The following LTN1 variants were observed in gnomAD, a reference collection of about 807,000 sequenced individuals.
LTN1 encodes E3 ubiquitin-protein ligase listerin.
A neutral mutation model predicts 201.2 loss-of-function variants in LTN1; 88 were observed. That is an observed-to-expected ratio of 0.44 (90% CI 0.37 to 0.52). The LOEUF (loss-of-function observed/expected upper bound fraction) is 0.52. Ranked by LOEUF, LTN1 falls within the 20% of genes least tolerant of loss-of-function variation. The probability of loss-of-function intolerance (pLI) is 0.00; values close to 1 mark genes in which losing one functional copy is unlikely to be tolerated. For missense variants in LTN1, 1,752 were observed against 2,038.7 expected (o/e 0.86, Z 2.71); for synonymous variants, 645 against 713.5 (o/e 0.90, Z 1.53).
Position 28,945,846 on chromosome 21 carries a change from C to G in LTN1, c.3729G>C (p.Glu1243Asp). Residue 1243 changes from glutamate (E) to aspartate (D), a missense_variant, in exon 21 of 30, where the codon GAG (glutamate) becomes GAC (aspartate). Glu to Asp is a conservative substitution (Grantham distance 45, BLOSUM62 2). This residue lies in a region of LTN1 where 1,211 missense variants were observed against 1,312.8 expected (regional missense o/e 0.92). Transcript: ENST00000361371. ...KYCSSPLAESEWDFIMCSMLA... is the reference protein window; with the variant it reads ...KYCSSPLAESDWDFIMCSMLA... ...ACATGGAGCACATGATGAAGTCCCA[C>G]TCACTCTCTGCCAAAGGGGATGAGC... 1 of 1,613,822 alleles carries G rather than the reference C, an allele frequency of 6.2e-7. No individual in the cohort carries two copies. Among genetic ancestry groups the G allele is most frequent in the African/African-American group, 1.3e-5 (1 of 75,046 alleles).
Position 28,940,433 on chromosome 21 carries a change from A to T in LTN1, c.4482+787T>A, listed in dbSNP as rs190414572. Among the ~76,000 whole-genome samples the T allele has an allele frequency of 2.0e-5, 3 of 152,306 alleles. No homozygotes were observed. In the East Asian group the frequency reaches 5.8e-4, roughly 29 times the overall value. On this transcript the variant is annotated intron_variant, in intron 25 of 29. Coordinates refer to ENST00000361371, the MANE Select transcript of LTN1 (RefSeq NM_015565.3). ...ACAAAATATTTCAGATATTTTCACC[A>T]CTTAGGTAACAGTTTGAATTATTAC...
At chr21:28,933,681 T>C (rs939581693) in intron 27 of LTN1, among the ~76,000 whole-genome samples, 1 of 150,916 alleles carries the variant, frequency 6.6e-6, no homozygotes, top group South Asian at 2.1e-4. Context: ...CTCTCTCTTT[T>C]TTTTTTTTTT....
intron 18 of LTN1, among the ~76,000 whole-genome samples, chr21:28,950,219 T>G (rs145349183): frequency 0.014 from 2,175 of 152,268 alleles, 23 homozygotes; most frequent in Non-Finnish European, 0.021. Context: ...TGATCTTTAT[T>G]CAAGTTTTAT....
intron 16 of LTN1, 108 bp downstream of exon 16, chr21:28,956,654 A>T: frequency 1.7e-6 from 1 of 585,444 alleles, no homozygotes; most frequent in Non-Finnish European, 2.7e-6. Context: ...GGAAAAAGAA[A>T]GCTGAAGATT....
chr21:28,946,045 C>CT (rs1290045973), intron 20 of LTN1, 94 bp from the exon 21 acceptor site: 1 of 1,427,130 alleles, frequency 7.0e-7, no homozygotes, highest in African/African-American at 1.4e-5. Flanking sequence ...TTATTTATAA[C>CT]TGACTTAAAT....
At chr21:28,933,003 G>A (rs930905164) in intron 27 of LTN1, among the ~76,000 whole-genome samples, 3 of 152,076 alleles carry the variant, frequency 2.0e-5, no homozygotes, top group African/African-American at 4.8e-5. Flanking sequence ...CCAGAGTATC[G>A]AATGTCACTT....
At chr21:28,972,832 G>A (rs1317469493) in intron 6 of LTN1, among the ~76,000 whole-genome samples, 1 of 151,988 alleles carries the variant, frequency 6.6e-6, no homozygotes, top group Non-Finnish European at 1.5e-5. Flanking sequence ...ATCCCAAGCA[G>A]GATACATAAA....
In LTN1 at chr21:28,931,159, C is replaced by G; in HGVS notation, c.5234G>C (p.Cys1745Ser). ...RTCKKKFHSA[C>S]LYKWFTSSNK... The stretch of plus-strand genomic sequence containing the variant: ...TTAATTTCTCTTTAGACTTACCAAG[C>G]AGGCTGAATGGAATTTTTTCTTGCA... Residue 1745 changes from cysteine to serine, a missense_variant, in exon 29 of 30, where the codon TGC becomes TCC. This residue lies in a region of LTN1 where 261 missense variants were observed against 350.1 expected (regional missense o/e 0.75). Coordinates refer to ENST00000361371, the MANE Select transcript of LTN1 (RefSeq NM_015565.3). The G allele has an allele frequency of 6.2e-7, 1 of 1,606,496 alleles. No homozygotes were observed. The highest frequency in any genetic ancestry group is 8.5e-7 in the Non-Finnish European group (1 of 1,176,776).
rs1385163570 is a variant in LTN1, at chr21:28,929,620, T to TA, written c.*827dup. On this transcript the variant is annotated 3_prime_UTR_variant, in exon 30 of 30. Transcript: ENST00000361371. ...TCTTTAAGTTTCAGTAATACTCATT[T>TA]ATTTCTTCCCTCTCAATAGAAGGAT... 1 of 152,140 alleles carries TA rather than the reference T, an allele frequency of 6.6e-6. No individual in the cohort carries two copies. 9.4% of individuals were successfully genotyped at this position (152,140 alleles called of 1,614,324 possible).
intron 4 of LTN1, 39 bp from the exon 5 acceptor site, chr21:28,982,407 G>C: frequency 6.7e-7 from 1 of 1,493,696 alleles, no homozygotes; most frequent in Non-Finnish European, 9.3e-7. Flanking sequence ...TGGTTTTACT[G>C]AACTGTCAAT....
At chr21:28,956,075 T>C (rs2084422979) in intron 16 of LTN1, among the ~76,000 whole-genome samples, 1 of 151,982 alleles carries the variant, frequency 6.6e-6, no homozygotes, top group Admixed American at 6.6e-5. Context: ...AAAGTGGATC[T>C]CATGAAGATA....
chr21:28,930,377 A>C lies in LTN1; in HGVS notation c.*71T>G. ...TGCTCACTGGCTTCCCCACATCCACACTTTCAGACGGATCCAAATCCAATG... is the reference window on the plus strand; with the variant it reads ...TGCTCACTGGCTTCCCCACATCCACCCTTTCAGACGGATCCAAATCCAATG... On this transcript the variant is annotated 3_prime_UTR_variant, in exon 30 of 30. Transcript: ENST00000361371. 8.5e-7 allele frequency: 1 copy of C among 1,174,308 alleles called. No homozygotes were observed. Among genetic ancestry groups the C allele is most frequent in the Non-Finnish European group, 1.2e-6 (1 of 809,032 alleles). 72.7% of individuals were successfully genotyped at this position (1,174,308 alleles called of 1,614,324 possible).
chr21:28,944,560 G>A lies in LTN1; in HGVS notation c.3805C>T (p.Leu1269Phe), dbSNP rs766045698. The A allele has an allele frequency of 1.9e-6, 3 of 1,613,828 alleles. No homozygotes were observed. The Admixed American group carries it at 5.0e-5, about 27-fold the overall frequency. The stretch of plus-strand genomic sequence containing the variant: ...CTGACACAGGCAAACAGTTGCACAA[G>A]TGGAATAGAATACAATGCCTGATTC... ...SENQALYSIP[L>F]VQLFACVSCD... Residue 1269 changes from leucine (L) to phenylalanine (F), a missense_variant, in exon 22 of 30, where the codon CTT becomes TTT. By Grantham distance (22) the Leu-to-Phe change is conservative (BLOSUM62 0). Around this residue, in one of 3 missense-constraint regions of LTN1, gnomAD observed 1,211 missense variants for 1,312.8 expected, o/e 0.92. Transcript: ENST00000361371.
chr21:28,967,296 G>C, intron 9 of LTN1, 117 bp from the exon 10 acceptor site: 1 of 736,106 alleles, frequency 1.4e-6, no homozygotes, highest in Non-Finnish European at 2.2e-6. Context: ...TAAGCTAATG[G>C]GTTGATTGAT....
chr21:28,936,382 G>T, intron 26 of LTN1, 144 bp downstream of exon 26: 1 of 562,728 alleles, frequency 1.8e-6, no homozygotes, highest in Non-Finnish European at 3.0e-6. Context: ...CCTATTTAGA[G>T]AAATATGGAA....
rs1159881053 is a variant in LTN1 at position 28,960,628 on chromosome 21, A to G, written c.2242T>C (p.Leu748=). The change falls in exon 12 of 30, where the codon TTG becomes CTG. Residue 748 remains leucine, a synonymous_variant. Coordinates refer to ENST00000361371, the MANE Select transcript of LTN1 (RefSeq NM_015565.3). Reference sequence around the variant, plus strand: ...TCCTCATTACAAAGACAATCTGCCAAGTTGACCAATTTCTCACCAAGGATA... The same window carrying G: ...TCCTCATTACAAAGACAATCTGCCAGGTTGACCAATTTCTCACCAAGGATA... ...GDILGEKLVN[L]ADCLCNEDLE... 1 of 1,614,092 alleles carries G rather than the reference A, an allele frequency of 6.2e-7. No homozygotes were observed. The highest frequency in any genetic ancestry group is 8.5e-7 in the Non-Finnish European group (1 of 1,179,960).
chr21:28,954,403 C>A (rs919715085), intron 16 of LTN1, among the ~76,000 whole-genome samples: 4 of 152,180 alleles, frequency 2.6e-5, no homozygotes, highest in Admixed American at 6.6e-5. Flanking sequence ...AAAAGTCACT[C>A]CACCACCTAT....
intron 18 of LTN1, among the ~76,000 whole-genome samples, chr21:28,947,981 A>G (rs1411346468): frequency 6.6e-6 from 1 of 151,420 alleles, no homozygotes; most frequent in Non-Finnish European, 1.5e-5. Flanking sequence ...TCATGAGGTC[A>G]GGCGTTTGAG....
intron 11 of LTN1, among the ~76,000 whole-genome samples, chr21:28,965,555 A>T (rs1178073022): frequency 4.6e-5 from 7 of 152,178 alleles, no homozygotes; most frequent in Admixed American, 2.6e-4. Context: ...TAACAGCAGA[A>T]AGTTGTAGCT....
Sources: allele counts gnomAD v4.1 joint callset (sites outside exome capture counted in the v4.1 genomes callset), GRCh38; gene constraint gnomAD v4.1.1; regional missense constraint gnomAD v4.1.1; transcripts MANE v1.5; gene names NCBI Gene and HGNC (gene_info 2026-07-23, HGNC 2026-07-21).